Variants in SHC4 observed in about 807,000 individuals in gnomAD.
The protein encoded by SHC4 is SHC-transforming protein 4.
A neutral mutation model predicts 69.4 loss-of-function variants in SHC4; 41 were observed. The observed-to-expected ratio is 0.59, with a 90% confidence interval of 0.46 to 0.77. The LOEUF is 0.77. SHC4 is among the 30% of genes least tolerant of loss of function. The pLI, the probability that SHC4 is intolerant of heterozygous loss-of-function variation, is 0.00. For missense variants in SHC4, 777 were observed against 783.8 expected (o/e 0.99, Z 0.10); for synonymous variants, 318 against 299.3 (o/e 1.06, Z -0.64).
intron 11 of SHC4, among the ~76,000 whole-genome samples, chr15:48,830,782 A>C (rs1315584002): frequency 2.0e-5 from 3 of 152,242 alleles, no homozygotes; most frequent in Non-Finnish European, 4.4e-5. Flanking sequence ...TGATGAAAAA[A>C]GAAACAAAGC....
chr15:48,916,412 A>C (rs1203613978), intron 2 of SHC4, among the ~76,000 whole-genome samples: 2 of 152,096 alleles, frequency 1.3e-5, no homozygotes, highest in Non-Finnish European at 2.9e-5. Context: ...AGTGAATGAA[A>C]TTTGCAGAAT....
chr15:48,938,595 C>T (rs1300964134), intron 1 of SHC4, among the ~76,000 whole-genome samples: 1 of 152,164 alleles, frequency 6.6e-6, no homozygotes, highest in Non-Finnish European at 1.5e-5. Context: ...CCAATGATAT[C>T]ACTGTGGGAG....
chr15:48,840,933 G>A (rs748448564), intron 10 of SHC4, among the ~76,000 whole-genome samples: 11 of 152,188 alleles, frequency 7.2e-5, no homozygotes, highest in Non-Finnish European at 1.3e-4. Context: ...AGGAAAAAAG[G>A]CTAGAGTCAG....
At chr15:48,925,421 A>G (rs929118823) in intron 1 of SHC4, among the ~76,000 whole-genome samples, 6 of 152,232 alleles carry the variant, frequency 3.9e-5, no homozygotes, top group African/African-American at 1.4e-4. Flanking sequence ...ACAAAGGCCT[A>G]AATAGTAGAG....
At chr15:48,891,553 A>G (rs987890799) in intron 2 of SHC4, among the ~76,000 whole-genome samples, 3 of 152,222 alleles carry the variant, frequency 2.0e-5, no homozygotes, top group Non-Finnish European at 2.9e-5. Context: ...GACTCTGAGC[A>G]TTCATAACTG....
chr15:48,871,276 G>C (rs1899672341), intron 5 of SHC4, among the ~76,000 whole-genome samples: 1 of 152,176 alleles, frequency 6.6e-6, no homozygotes, highest in African/African-American at 2.4e-5. Flanking sequence ...CATTATGAAA[G>C]TCATACTCCA....
At chr15:48,870,160 A>G (rs1423458037) in intron 5 of SHC4, among the ~76,000 whole-genome samples, 2 of 152,228 alleles carry the variant, frequency 1.3e-5, no homozygotes, top group African/African-American at 2.4e-5. Context: ...TCTCTTAAGA[A>G]AAGTATTTGA....
In SHC4 at chr15:48,920,593, A is replaced by AT. The variant is rs1435698497; in HGVS notation, c.656+4285dup. Among the ~76,000 whole-genome samples the AT allele has an allele frequency of 5.9e-5, 9 of 152,276 alleles. No homozygotes were observed. The East Asian group carries it at 1.7e-3, about 29-fold the overall frequency. On this transcript the variant is annotated intron_variant, in intron 2 of 11. Coordinates refer to ENST00000332408, the MANE Select transcript of SHC4 (RefSeq NM_203349.4). ...CCCGGCCAGAGATTTTTTTAAGTAG[A>AT]TAAAAATAGATAAATGGCTGGGAAA...
intron 4 of SHC4, among the ~76,000 whole-genome samples, chr15:48,880,710 G>A (rs1018316165): frequency 1.3e-5 from 2 of 152,134 alleles, no homozygotes; most frequent in Non-Finnish European, 2.9e-5. Flanking sequence ...AAAATAGGCA[G>A]TAAGCTGAGA....
chr15:48,858,173 AGAAGGC>A (rs1226267529), intron 6 of SHC4, among the ~76,000 whole-genome samples: 1 of 152,210 alleles, frequency 6.6e-6, no homozygotes. Flanking sequence ...TAATCTACAC[AGAAGGC>A]GAAGTTTGAG....
intron 1 of SHC4, among the ~76,000 whole-genome samples, chr15:48,932,043 G>A (rs1567073107): frequency 6.6e-6 from 1 of 152,094 alleles, no homozygotes; most frequent in Non-Finnish European, 1.5e-5. Context: ...TTTATTCTGA[G>A]TTTTATTCTA....
intron 2 of SHC4, among the ~76,000 whole-genome samples, chr15:48,897,095 T>G (rs1424092797): frequency 1.3e-5 from 2 of 152,192 alleles, no homozygotes; most frequent in Non-Finnish European, 2.9e-5. Flanking sequence ...GCGGTGAGAC[T>G]TTCTCCAGCT....
chr15:48,864,888 C>G, intron 6 of SHC4, among the ~76,000 whole-genome samples: 1 of 152,214 alleles, frequency 6.6e-6, no homozygotes, highest in Admixed American at 6.5e-5. Flanking sequence ...AGTCCCCCCA[C>G]AATCTGTCTC....
At chr15:48,854,227 TCA>T (rs1259353207) in intron 8 of SHC4, among the ~76,000 whole-genome samples, 7 of 152,152 alleles carry the variant, frequency 4.6e-5, no homozygotes, top group Non-Finnish European at 7.3e-5. Flanking sequence ...ATGCTCAACA[TCA>T]CTAATCATCA....
chr15:48,832,814 C>T (rs564126651), intron 11 of SHC4, among the ~76,000 whole-genome samples: 3 of 152,138 alleles, frequency 2.0e-5, no homozygotes, highest in Non-Finnish European at 4.4e-5. Flanking sequence ...TTTTCTTCTG[C>T]TTAATCAAGT....
At chr15:48,951,276 C>A (rs777050077) in intron 1 of SHC4, among the ~76,000 whole-genome samples, 2 of 151,980 alleles carry the variant, frequency 1.3e-5, no homozygotes, top group Non-Finnish European at 2.9e-5. Flanking sequence ...TGCCTGTGAC[C>A]CATTTCCAAA....
chr15:48,876,523 G>C, intron 4 of SHC4: 1 of 613,842 alleles, frequency 1.6e-6, no homozygotes, highest in Non-Finnish European at 2.9e-6. Flanking sequence ...ATATGTAAAG[G>C]GGAGTTCACT....
At chr15:48,934,028 G>T (rs548415936) in intron 1 of SHC4, among the ~76,000 whole-genome samples, 1 of 152,002 alleles carries the variant, frequency 6.6e-6, no homozygotes, top group Non-Finnish European at 1.5e-5. Flanking sequence ...ATAGGCAATG[G>T]TTTCTTAGAT....
intron 1 of SHC4, among the ~76,000 whole-genome samples, chr15:48,929,250 GC>G (rs1392777070): frequency 1.3e-5 from 2 of 152,164 alleles, no homozygotes; most frequent in African/African-American, 4.8e-5. Flanking sequence ...GAATATCAAG[GC>G]CCGAGAGAGG....
Sources: gnomAD v4.1 joint callset for allele counts (sites outside exome capture counted in the v4.1 genomes callset) on GRCh38, gnomAD v4.1.1 for gene constraint, MANE v1.5 for transcripts, NCBI Gene and HGNC (gene_info 2026-07-23, HGNC 2026-07-21) for gene names.